RAB7A: variants seen among roughly 807,000 people sequenced by gnomAD.
RAB7A encodes RAB7A, member RAS oncogene family.
Under a neutral mutation model 24.5 loss-of-function variants are expected in RAB7A, and 2 were observed. The observed-to-expected ratio is 0.08, with a 90% CI of 0.03 to 0.26. The LOEUF is 0.26. Ranked by LOEUF, RAB7A falls within the 10% of genes least tolerant of loss-of-function variation. The pLI, the probability that RAB7A is intolerant of heterozygous loss-of-function variation, is 1.00. For missense variants in RAB7A, 118 were observed against 255.7 expected (o/e 0.46, Z 3.67); for synonymous variants, 100 against 95.9 (o/e 1.04, Z -0.25).
chr3:128,748,726 C>A (rs1396598612), intron 1 of RAB7A: 1 of 152,252 alleles, frequency 6.6e-6, no homozygotes. Flanking sequence ...ATGGATGCCC[C>A]ATAATCTAGC....
intron 1 of RAB7A, among the ~76,000 whole-genome samples, chr3:128,769,469 T>C (rs992217857): frequency 2.0e-5 from 3 of 152,242 alleles, no homozygotes; most frequent in African/African-American, 7.2e-5. Context: ...TGCCCACTTA[T>C]TTTATTGGGT....
intron 2 of RAB7A, 119 bp downstream of exon 2, chr3:128,795,539 T>G: frequency 1.1e-6 from 1 of 900,424 alleles, no homozygotes; most frequent in South Asian, 1.3e-5. Context: ...GGGCCTTACA[T>G]GTTTCCCTCC....
intron 1 of RAB7A, among the ~76,000 whole-genome samples, chr3:128,779,420 AAG>A (rs957917589): frequency 6.6e-6 from 1 of 151,982 alleles, no homozygotes; most frequent in African/African-American, 2.4e-5. Flanking sequence ...AAAAAAAAAA[AAG>A]AGAGATTCAT....
chr3:128,768,862 A>G (rs1333755301), intron 1 of RAB7A, among the ~76,000 whole-genome samples: 1 of 151,588 alleles, frequency 6.6e-6, no homozygotes, highest in African/African-American at 2.4e-5. Flanking sequence ...CCCAGCCTAA[A>G]GTGTGTGCAG....
intron 4 of RAB7A, among the ~76,000 whole-genome samples, chr3:128,807,142 A>G (rs1248983596): frequency 1.3e-5 from 2 of 152,204 alleles, no homozygotes; most frequent in Non-Finnish European, 2.9e-5. Context: ...GTGACATCAC[A>G]CTAGCAGTAA....
intron 1 of RAB7A, among the ~76,000 whole-genome samples, chr3:128,767,350 G>A (rs4642149): frequency 0.024 from 3,690 of 152,290 alleles, 65 homozygotes; most frequent in Non-Finnish European, 0.036. Flanking sequence ...TGGGACCCTC[G>A]GAAGGGATAT....
intron 1 of RAB7A, among the ~76,000 whole-genome samples, chr3:128,734,372 A>T (rs116772388): frequency 6.7e-6 from 1 of 149,154 alleles, no homozygotes; most frequent in Non-Finnish European, 1.5e-5. Context: ...TGGATGTTGC[A>T]TGAGAATCGC....
At chr3:128,754,355 A>G (rs2070711739) in intron 1 of RAB7A, among the ~76,000 whole-genome samples, 1 of 152,200 alleles carries the variant, frequency 6.6e-6, no homozygotes, top group African/African-American at 2.4e-5. Flanking sequence ...ACATCAGAGT[A>G]GTATAACTTC....
At chr3:128,740,578 AAT>A (rs1469162421) in intron 1 of RAB7A, among the ~76,000 whole-genome samples, 1 of 151,990 alleles carries the variant, frequency 6.6e-6, no homozygotes, top group Non-Finnish European at 1.5e-5. Flanking sequence ...GAAAAATTTA[AAT>A]GATGTCTCAT....
At position 128,734,474 on chromosome 3, in the gene RAB7A, AAAAG is replaced by A. The variant is rs1406897264; in HGVS notation, c.-9+8116_-9+8119del. Among the ~76,000 whole-genome samples, 11 of 151,444 alleles carry A rather than the reference AAAAG, an allele frequency of 7.3e-5. No homozygotes were observed. The East Asian group carries it at 1.9e-3, about 27-fold the overall frequency. On this transcript the variant is annotated intron_variant, in intron 1 of 5. Transcript: ENST00000265062. The stretch of plus-strand genomic sequence containing the variant: ...TACCTCAAAAAAAAAAAAAAAAAAA[AAAAG>A]GAAAGAAAAGAAAGAAAGGAAAACA...
intron 1 of RAB7A, among the ~76,000 whole-genome samples, chr3:128,773,592 A>G (rs942096184): frequency 6.6e-6 from 1 of 152,238 alleles, no homozygotes; most frequent in African/African-American, 2.4e-5. Flanking sequence ...TGGGAGGTGT[A>G]CCCAACAGCT....
At chr3:128,754,894 A>T (rs999266123) in intron 1 of RAB7A, among the ~76,000 whole-genome samples, 10 of 152,346 alleles carry the variant, frequency 6.6e-5, no homozygotes, top group Non-Finnish European at 1.5e-4. Flanking sequence ...AACATGACTG[A>T]TAATGGAAGG....
At chr3:128,727,980 C>T (rs1271645383) in intron 1 of RAB7A, among the ~76,000 whole-genome samples, 2 of 151,620 alleles carry the variant, frequency 1.3e-5, no homozygotes, top group African/African-American at 2.4e-5. Flanking sequence ...ACTTTGCTAC[C>T]TAGCCTAAAA....
At chr3:128,768,933 C>G (rs1249776691) in intron 1 of RAB7A, among the ~76,000 whole-genome samples, 1 of 129,490 alleles carries the variant, frequency 7.7e-6, no homozygotes, top group Non-Finnish European at 1.7e-5. Flanking sequence ...TTTCTTTTCT[C>G]TTTTCCTTTC....
At chr3:128,797,184 G>A (rs1363785976) in intron 2 of RAB7A, among the ~76,000 whole-genome samples, 2 of 152,182 alleles carry the variant, frequency 1.3e-5, no homozygotes, top group Non-Finnish European at 2.9e-5. Flanking sequence ...GGCTTAGATG[G>A]TCTGGGTTGG....
chr3:128,779,151 C>T (rs761331173), intron 1 of RAB7A, among the ~76,000 whole-genome samples: 10 of 152,144 alleles, frequency 6.6e-5, no homozygotes, highest in East Asian at 1.9e-4. Context: ...CGGTGGCTCA[C>T]GCCTATAATC....
At chr3:128,774,047 C>T (rs1158993119) in intron 1 of RAB7A, among the ~76,000 whole-genome samples, 1 of 150,096 alleles carries the variant, frequency 6.7e-6, no homozygotes, top group African/African-American at 2.5e-5. Flanking sequence ...GCCAAATCCC[C>T]CTCTGCGAGA....
rs528085463 is a variant in RAB7A, at chr3:128,771,338, G to A, written c.-8-24022G>A. ...TGGGGGGCTCATCTTCAAGAGTGGA[G>A]ACTAAAGTAGGTTCTGTAATTGCGC... On this transcript the variant is annotated intron_variant, in intron 1 of 5. Transcript: ENST00000265062. Among the ~76,000 whole-genome samples, 8 of 152,276 alleles carry A rather than the reference G, an allele frequency of 5.3e-5. No individual in the cohort carries two copies. The South Asian group carries it at 1.7e-3, about 32-fold the overall frequency.
At chr3:128,735,930 C>G (rs1239348752) in intron 1 of RAB7A, among the ~76,000 whole-genome samples, 3 of 152,202 alleles carry the variant, frequency 2.0e-5, no homozygotes, top group African/African-American at 4.8e-5. Flanking sequence ...GTTCAGAAAG[C>G]TTGATGACAG....
Sources: gnomAD v4.1 joint callset for allele counts (sites outside exome capture counted in the v4.1 genomes callset) on GRCh38, gnomAD v4.1.1 for gene constraint, MANE v1.5 for transcripts, NCBI Gene and HGNC (gene_info 2026-07-23, HGNC 2026-07-21) for gene names.